The following TUSC3 variants were observed in gnomAD, a reference collection of about 807,000 sequenced individuals.
The protein encoded by TUSC3 is dolichyl-diphosphooligosaccharide--protein glycosyltransferase subunit TUSC3.
TUSC3 carries 45 observed loss-of-function variants against 44.8 expected under a neutral mutation model. The ratio of observed to expected loss-of-function variants is 1.00; its 90% CI spans 0.79 to 1.29. The LOEUF is 1.29. Among genes scored for constraint, TUSC3 ranks in the 50% most tolerant of loss-of-function variants. The probability of loss-of-function intolerance (pLI) is 0.00; values close to 1 mark genes in which losing one functional copy is unlikely to be tolerated. For missense variants in TUSC3, 519 were observed against 437.9 expected (o/e 1.19, Z -1.65); for synonymous variants, 212 against 152.9 (o/e 1.39, Z -2.85).
chr8:15,448,047 C>T (rs1800130411), intron 1 of TUSC3, among the ~76,000 whole-genome samples: 1 of 147,974 alleles, frequency 6.8e-6, no homozygotes, highest in Admixed American at 6.8e-5. Context: ...CCGTATCACA[C>T]AGCACAGATA....
intron 1 of TUSC3, among the ~76,000 whole-genome samples, chr8:15,607,140 G>T (rs960977824): frequency 1.3e-5 from 2 of 152,044 alleles, no homozygotes; most frequent in African/African-American, 4.8e-5. Context: ...GCCACAAATG[G>T]TTGGGGGAGA....
chr8:15,726,457 G>A (rs1378334531), intron 6 of TUSC3, among the ~76,000 whole-genome samples: 1 of 152,006 alleles, frequency 6.6e-6, no homozygotes, highest in Non-Finnish European at 1.5e-5. Flanking sequence ...TTATTTTTAT[G>A]AACCTTTTTT....
At chr8:15,763,931 C>T (rs1812251595) in intron 10 of TUSC3, among the ~76,000 whole-genome samples, 1 of 151,996 alleles carries the variant, frequency 6.6e-6, no homozygotes, top group Non-Finnish European at 1.5e-5. Flanking sequence ...CTGTTCTAGC[C>T]AGCAATGAAA....
intron 2 of TUSC3, among the ~76,000 whole-genome samples, chr8:15,520,234 A>T (rs779655889): frequency 6.6e-6 from 1 of 152,230 alleles, no homozygotes; most frequent in African/African-American, 2.4e-5. Flanking sequence ...GTCTCTGTCA[A>T]TAGGGATTCC....
At chr8:15,619,414 C>A (rs543134194) in intron 1 of TUSC3, among the ~76,000 whole-genome samples, 1 of 152,162 alleles carries the variant, frequency 6.6e-6, no homozygotes, top group South Asian at 2.1e-4. Flanking sequence ...ACCCTATAAG[C>A]AGAAAGAAAA....
intron 1 of TUSC3, among the ~76,000 whole-genome samples, chr8:15,458,249 T>G (rs1398068438): frequency 6.6e-6 from 1 of 152,158 alleles, no homozygotes; most frequent in East Asian, 1.9e-4. Context: ...TTTCTTTTTT[T>G]TCTTTTTAAG....
At chr8:15,846,450 C>T in the TUSC3 span, among the ~76,000 whole-genome samples, 1 of 152,098 alleles carries the variant, frequency 6.6e-6, no homozygotes, top group East Asian at 1.9e-4. Flanking sequence ...ATTCACAATA[C>T]CAAAGACTTA....
chr8:15,530,354 G>C (rs73536497), intron 2 of TUSC3, among the ~76,000 whole-genome samples: 7,482 of 152,210 alleles, frequency 0.049, 276 homozygotes, highest in African/African-American at 0.1. Flanking sequence ...AAGTTGATGT[G>C]TGAAATTTGG....
chr8:15,813,259 T>G, the TUSC3 span, among the ~76,000 whole-genome samples: 1 of 152,146 alleles, frequency 6.6e-6, no homozygotes, highest in African/African-American at 2.4e-5. Context: ...CTAGACTGAT[T>G]AAAATGTTTC....
In TUSC3 at chr8:15,745,355, C is replaced by G. The variant is rs1181664819; in HGVS notation, c.937+1743C>G. ...GGGGGTTGCTGGGCCAAAGGTAGCA[C>G]TGTGTTAAGTTTTTTGAGAAATCTC... is the stretch of plus-strand genomic sequence containing the variant. On this transcript the variant is annotated intron_variant, in intron 8 of 10. Transcript: ENST00000503731. Among the ~76,000 whole-genome samples, 3 of 152,058 alleles carry G rather than the reference C, an allele frequency of 2.0e-5. No homozygotes were observed. In the East Asian group the frequency reaches 5.8e-4, roughly 29 times the overall value.
At chr8:15,482,006 G>A (rs1414871521) in intron 1 of TUSC3, among the ~76,000 whole-genome samples, 3 of 152,152 alleles carry the variant, frequency 2.0e-5, no homozygotes, top group Admixed American at 1.3e-4. Context: ...CAATCCAGCT[G>A]CTTCTTTATT....
chr8:15,573,219 TATATATATATA>T (rs1802957205), intron 1 of TUSC3, among the ~76,000 whole-genome samples: 2 of 139,712 alleles, frequency 1.4e-5, no homozygotes, highest in African/African-American at 5.5e-5. Context: ...TATATATATA[TATATATATATA>T]AAAGTTTTTT....
intron 1 of TUSC3, among the ~76,000 whole-genome samples, chr8:15,543,910 T>TTGTGTGTG (rs34091995): frequency 2.1e-4 from 31 of 148,812 alleles, no homozygotes; most frequent in African/African-American, 6.7e-4. Flanking sequence ...TCCCATGGAT[T>TTGTGTGTG]TGTGTGTGTG....
intron 1 of TUSC3, among the ~76,000 whole-genome samples, chr8:15,456,472 T>C (rs1009010574): frequency 1.3e-5 from 2 of 152,062 alleles, no homozygotes; most frequent in African/African-American, 2.4e-5. Context: ...TATGGAAGAA[T>C]AAGAAAAGAG....
chr8:15,587,331 T>TGCACTTAAGGCAGC (rs2129149046), intron 1 of TUSC3, among the ~76,000 whole-genome samples: 1 of 152,326 alleles, frequency 6.6e-6, no homozygotes, highest in Admixed American at 6.5e-5. Flanking sequence ...ATGTACCTTT[T>TGCACTTAAGGCAGC]GCACTTAAGG....
Position 15,733,249 on chromosome 8 carries a change from G to A in TUSC3, c.862+2520G>A, listed in dbSNP as rs1449149928. On this transcript the variant is annotated intron_variant, in intron 7 of 10. Transcript: ENST00000503731. ...TCGACTTACTATTTAAAGATATTCAGGAAGCAAAACATGTTAACATTAAAG... is the reference window on the plus strand; with the variant it reads ...TCGACTTACTATTTAAAGATATTCAAGAAGCAAAACATGTTAACATTAAAG... 7 of 284,382 alleles carry A rather than the reference G, an allele frequency of 2.5e-5. No individual in the cohort carries two copies. In the East Asian group the frequency reaches 4.2e-4, roughly 17 times the overall value. 17.6% of individuals were successfully genotyped at this position (284,382 alleles called of 1,614,324 possible). A position where few individuals can be genotyped will look rare whatever the true frequency, so the allele number is the denominator to read the frequency against.
chr8:15,582,526 A>T (rs183810317), intron 1 of TUSC3, among the ~76,000 whole-genome samples: 237 of 152,372 alleles, frequency 1.6e-3, no homozygotes, highest in Admixed American at 2.9e-3. Context: ...AATGGCAGTT[A>T]AAAATTAAAG....
intron 7 of TUSC3, among the ~76,000 whole-genome samples, chr8:15,741,217 T>C (rs1175009556): frequency 6.6e-6 from 1 of 152,216 alleles, no homozygotes; most frequent in Non-Finnish European, 1.5e-5. Context: ...TATATTGCTT[T>C]ACTCCCATTA....
At chr8:15,806,048 C>G in the TUSC3 span, 1 of 251,636 alleles carries the variant, frequency 4.0e-6, no homozygotes, top group Non-Finnish European at 7.9e-6. Flanking sequence ...TGTCATATCC[C>G]CTTCCTTAAA....
Sources: allele counts gnomAD v4.1 joint callset (sites outside exome capture counted in the v4.1 genomes callset), GRCh38; gene constraint gnomAD v4.1.1; transcripts MANE v1.5; gene names NCBI Gene and HGNC (gene_info 2026-07-23, HGNC 2026-07-21).